The following PRKCQ variants were observed in gnomAD, a reference collection of about 807,000 sequenced individuals.
The protein encoded by PRKCQ is protein kinase C theta, also known as protein kinase C theta type.
In PRKCQ, 41 loss-of-function variants were observed where a neutral mutation model predicts 91.2. That is an observed-to-expected ratio of 0.45 (90% confidence interval 0.35 to 0.58). The LOEUF (loss-of-function observed/expected upper bound fraction) is 0.58. PRKCQ is among the 20% of genes least tolerant of loss of function. The pLI is 0.00. For synonymous variants in PRKCQ, 307 were observed against 316.9 expected (o/e 0.97, Z 0.33); for missense variants, 673 against 896.5 (o/e 0.75, Z 3.18).
chr10:6,485,143 G>T lies in PRKCQ; in HGVS notation c.1018+9C>A. The stretch of plus-strand genomic sequence containing the variant: ...TGACAGTGATTAGACTGCTGATCAG[G>T]ACAGCTACCTCTTTTTCCCGGTGTC... On this transcript the variant is annotated intron_variant, in intron 10 of 17. Transcript: ENST00000263125. The T allele has an allele frequency of 6.2e-7, 1 of 1,607,890 alleles. No homozygotes were observed. Among genetic ancestry groups the T allele is most frequent in the South Asian group, 1.1e-5 (1 of 90,886 alleles).
At chr10:6,488,039 A>G (rs790814) in intron 8 of PRKCQ, among the ~76,000 whole-genome samples, 29,331 of 150,884 alleles carry the variant, frequency 0.19, 2,987 homozygotes, top group Middle Eastern at 0.31. Context: ...CACCATTAAA[A>G]TACAGAAAAA....
chr10:6,442,082 C>G lies in PRKCQ; in HGVS notation c.1648-1G>C. The G allele has an allele frequency of 6.2e-7, 1 of 1,609,166 alleles. No homozygotes were observed. Among genetic ancestry groups the G allele is most frequent in the Non-Finnish European group, 8.5e-7 (1 of 1,175,916 alleles). Reference sequence around the variant, plus strand: ...GGTTGTATTTCTGACCCAGCAAGATCTGCACAACCAAAAGGCAGACAGGAA... The same window carrying G: ...GGTTGTATTTCTGACCCAGCAAGATGTGCACAACCAAAAGGCAGACAGGAA... On this transcript the variant is annotated splice_acceptor_variant, in intron 15 of 17. Coordinates refer to ENST00000263125, the MANE Select transcript of PRKCQ (RefSeq NM_006257.5). LOFTEE classifies it high-confidence loss of function.
chr10:6,485,344 G>A (rs1404375660), intron 9 of PRKCQ, 75 bp from the exon 10 acceptor site: 33 of 1,127,004 alleles, frequency 2.9e-5, no homozygotes, highest in Non-Finnish European at 3.9e-5. Flanking sequence ...TAACGATGGG[G>A]ACAAAGGCCA....
Position 6,430,714 on chromosome 10 carries a change from CG to C in PRKCQ, c.1965+95del. 6.6e-7 allele frequency: 1 copy of C among 1,522,576 alleles called. No homozygotes were observed. Among genetic ancestry groups the C allele is most frequent in the Non-Finnish European group, 8.9e-7 (1 of 1,124,548 alleles). 94.3% of individuals were successfully genotyped at this position (1,522,576 alleles called of 1,614,324 possible). ...TGGGGCTGGTGGGGAGTTGGGGCAC[CG>C]GCAGGGGTGAGCAGCTGCGGTGACT... On this transcript the variant is annotated intron_variant, in intron 17 of 17. Coordinates refer to ENST00000263125, the MANE Select transcript of PRKCQ (RefSeq NM_006257.5). This position sits in a 1 kb window ranked among gnomAD's most constrained non-coding sequence, Gnocchi z 4.7.
At chr10:6,428,757 G>C (rs564026015) in intron 17 of PRKCQ, among the ~76,000 whole-genome samples, 1 of 152,262 alleles carries the variant, frequency 6.6e-6, no homozygotes, top group African/African-American at 2.4e-5. Flanking sequence ...GAGGGAGTGA[G>C]GGGGTGTGAG....
Position 6,485,162 on chromosome 10 carries a change from C to T in PRKCQ, c.1008G>A (p.Pro336=), listed in dbSNP as rs755191308. The T allele has an allele frequency of 3.2e-5, 51 of 1,613,266 alleles. No individual in the cohort carries two copies. The highest frequency in any genetic ancestry group is 1.3e-4 in the African/African-American group (10 of 74,836). ...GATCAGGACAGCTACCTCTTTTTCC[C>T]GGTGTCGGTAAACATGGCGGCCTTG... The part of the protein sequence containing the change: ...NEARPPCLPT[P]GKREPQGISW... The change falls in exon 10 of 18, where the codon CCG becomes CCA. Residue 336 remains proline (P), a synonymous_variant. Coordinates refer to ENST00000263125, the MANE Select transcript of PRKCQ (RefSeq NM_006257.5).
rs56306878 is a variant in PRKCQ at position 6,517,588 on chromosome 10, CTT to C, written c.-9-2446_-9-2445del. ...AAAAAATGCATCTTTAAGATAGCAT[CTT>C]TTTTTTTTTTTTTTTTTTTTTTTTT... On this transcript the variant is annotated intron_variant, in intron 1 of 17. Transcript: ENST00000263125. 6.0e-3 allele frequency among the ~76,000 whole-genome samples: 299 copies of C among 49,442 alleles called. 1 individual carries two copies. The highest frequency in any genetic ancestry group is 0.019 in the African/African-American group (235 of 12,634). The allele number at this position is 49,442 out of a possible 152,430, so 32.4% of individuals were successfully genotyped here.
chr10:6,483,627 A>C, intron 10 of PRKCQ, 27 bp from the exon 11 acceptor site: 2 of 1,612,644 alleles, frequency 1.2e-6, no homozygotes, highest in Non-Finnish European at 8.5e-7. Context: ...GTGGTTAAAA[A>C]TGAACATGGA....
intron 16 of PRKCQ, among the ~76,000 whole-genome samples, chr10:6,435,833 C>G (rs1833672478): frequency 1.3e-5 from 2 of 152,246 alleles, no homozygotes; most frequent in South Asian, 4.1e-4. Context: ...CTTCTTTTTA[C>G]TGAGAATGGT....
At chr10:6,566,743 G>A (rs2130966491) in intron 1 of PRKCQ, among the ~76,000 whole-genome samples, 1 of 152,144 alleles carries the variant, frequency 6.6e-6, no homozygotes, top group East Asian at 1.9e-4. Flanking sequence ...ACTCAGGAGG[G>A]GAGGAACACA....
chr10:6,422,533 G>A (rs1055140722), downstream of PRKCQ, among the ~76,000 whole-genome samples: 1 of 152,154 alleles, frequency 6.6e-6, no homozygotes, highest in African/African-American at 2.4e-5. Flanking sequence ...TTCTGGGAAA[G>A]ATGTGTAATC....
chr10:6,573,424 TCCCCA>T (rs1359369895), intron 1 of PRKCQ, among the ~76,000 whole-genome samples: 1 of 152,100 alleles, frequency 6.6e-6, no homozygotes, highest in Non-Finnish European at 1.5e-5. Context: ...ACATCTTCCA[TCCCCA>T]CCCGCGATAC....
At chr10:6,399,580 G>A in the PRKCQ span, among the ~76,000 whole-genome samples, 9 of 152,044 alleles carry the variant, frequency 5.9e-5, no homozygotes, top group African/African-American at 1.9e-4. Context: ...AGATGAGGAA[G>A]GTCAAGAGGC....
intron 1 of PRKCQ, among the ~76,000 whole-genome samples, chr10:6,517,215 A>T (rs541975970): frequency 6.6e-6 from 1 of 152,284 alleles, no homozygotes; most frequent in East Asian, 1.9e-4. Context: ...TTTTTAGGTG[A>T]TCATGATGAA....
At chr10:6,408,403 G>A in the PRKCQ span, among the ~76,000 whole-genome samples, 6 of 152,130 alleles carry the variant, frequency 3.9e-5, no homozygotes, top group African/African-American at 1.4e-4. Flanking sequence ...TGTCGCCCCC[G>A]CTATGCACTG....
At chr10:6,569,120 T>C (rs1246068472) in intron 1 of PRKCQ, among the ~76,000 whole-genome samples, 2 of 152,206 alleles carry the variant, frequency 1.3e-5, no homozygotes, top group African/African-American at 2.4e-5. Context: ...CTAAAATATA[T>C]GACTCATTTA....
At chr10:6,567,876 A>G (rs1040216199) in intron 1 of PRKCQ, among the ~76,000 whole-genome samples, 2 of 152,144 alleles carry the variant, frequency 1.3e-5, no homozygotes, top group African/African-American at 2.4e-5. Context: ...GCATACCTCT[A>G]TCATCCTAAT....
At chr10:6,403,611 T>C in the PRKCQ span, among the ~76,000 whole-genome samples, 1 of 152,154 alleles carries the variant, frequency 6.6e-6, no homozygotes, top group African/African-American at 2.4e-5. Flanking sequence ...GAGGAAGCTT[T>C]GGAAAGGTGT....
intron 1 of PRKCQ, among the ~76,000 whole-genome samples, chr10:6,542,857 T>C (rs1280039171): frequency 2.0e-5 from 3 of 152,322 alleles, no homozygotes; most frequent in South Asian, 2.1e-4. Flanking sequence ...GCCTGGGAAA[T>C]AGAGTTGCAA....
Sources: allele counts gnomAD v4.1 joint callset (sites outside exome capture counted in the v4.1 genomes callset), GRCh38; gene constraint gnomAD v4.1.1; non-coding constraint Gnocchi (gnomAD v3.1); transcripts MANE v1.5; gene names NCBI Gene and HGNC (gene_info 2026-07-23, HGNC 2026-07-21).